The following ZNF106 variants were observed in gnomAD, a reference collection of about 807,000 sequenced individuals.
ZNF106 encodes zinc finger protein 106.
In ZNF106, 67 loss-of-function variants were observed where a neutral mutation model predicts 195.1. The ratio of observed to expected loss-of-function variants is 0.34; its 90% CI spans 0.28 to 0.42. The LOEUF (loss-of-function observed/expected upper bound fraction) is 0.42. Among genes scored for constraint, ZNF106 ranks in the 10% least tolerant of loss-of-function variants. The probability of loss-of-function intolerance (pLI) is 1.00; values close to 1 mark genes in which losing one functional copy is unlikely to be tolerated. For missense variants in ZNF106, 2,118 were observed against 2,304.5 expected, an observed-to-expected ratio of 0.92 and a Z score of 1.66; for synonymous variants, 784 against 818.6, an observed-to-expected ratio of 0.96 and a Z score of 0.72.
chr15:42,448,383 C>G lies in ZNF106; in HGVS notation c.2824G>C (p.Ala942Pro), dbSNP rs1198845796. Residue 942 changes from alanine to proline, a missense_variant, in exon 6 of 22, where the codon GCC becomes CCC. Coordinates refer to ENST00000564754, the MANE Select transcript of ZNF106 (RefSeq NM_001366845.3). ...GCCCTTTCACCTGTTCGGAGGGAGG[C>G]AGCCCGAGGTGTCACTTCTTGTTTG... The part of the protein sequence containing the change: ...HLKQEVTPRA[A>P]SLRTGERAEN... 6 of 1,614,180 alleles carry G rather than the reference C, an allele frequency of 3.7e-6. No individual in the cohort carries two copies. The South Asian group carries it at 6.6e-5, about 18-fold the overall frequency.
chr15:42,419,177 T>C (rs2054565616), intron 20 of ZNF106, among the ~76,000 whole-genome samples: 1 of 151,958 alleles, frequency 6.6e-6, no homozygotes, highest in Non-Finnish European at 1.5e-5. Flanking sequence ...AAGACCAGCC[T>C]GGCCAACATA....
intron 1 of ZNF106, among the ~76,000 whole-genome samples, chr15:42,472,822 C>A (rs2056705732): frequency 6.6e-6 from 1 of 151,974 alleles, no homozygotes; most frequent in Non-Finnish European, 1.5e-5. Flanking sequence ...CCAGCCTGGC[C>A]AACATGGTGA....
chr15:42,486,142 G>A (rs1259536989), intron 1 of ZNF106, among the ~76,000 whole-genome samples: 8 of 151,830 alleles, frequency 5.3e-5, no homozygotes, highest in Non-Finnish European at 1.0e-4. Context: ...GTATTTTTTA[G>A]TAGAGATAGA....
chr15:42,456,412 G>C (rs886991422), intron 4 of ZNF106, among the ~76,000 whole-genome samples: 1 of 152,162 alleles, frequency 6.6e-6, no homozygotes, highest in Non-Finnish European at 1.5e-5. Context: ...ACTTTGGGAG[G>C]CTGAGGTGGG....
At chr15:42,479,368 G>C (rs1017182361) in intron 1 of ZNF106, among the ~76,000 whole-genome samples, 1 of 151,522 alleles carries the variant, frequency 6.6e-6, no homozygotes, top group South Asian at 2.1e-4. Flanking sequence ...GATCGAAACT[G>C]TCTCAAAAAA....
At chr15:42,421,622 G>T (rs1317714807) in intron 19 of ZNF106, among the ~76,000 whole-genome samples, 1 of 152,168 alleles carries the variant, frequency 6.6e-6, no homozygotes, top group Non-Finnish European at 1.5e-5. Flanking sequence ...CTCCATTCCA[G>T]TGTTCCATTC....
chr15:42,440,994 AAAAAATATATATATAT>A (rs1268168706), intron 10 of ZNF106, among the ~76,000 whole-genome samples: 8 of 54,512 alleles, frequency 1.5e-4, no homozygotes, highest in African/African-American at 1.1e-3. Context: ...AAAAAAAAAA[AAAAAATATATATATAT>A]ATATATATAT....
intron 1 of ZNF106, among the ~76,000 whole-genome samples, chr15:42,479,117 T>G (rs1352041111): frequency 6.6e-6 from 1 of 152,200 alleles, no homozygotes; most frequent in African/African-American, 2.4e-5. Flanking sequence ...CTCACGTCTA[T>G]AATCCCAGTA....
At position 42,451,586 on chromosome 15, in the gene ZNF106, A is replaced by G; in HGVS notation, c.686T>C (p.Leu229Pro). The G allele has an allele frequency of 6.2e-7, 1 of 1,614,186 alleles. No individual in the cohort carries two copies. The highest frequency in any genetic ancestry group is 1.1e-5 in the South Asian group (1 of 91,088). Residue 229 changes from leucine (L) to proline (P), a missense_variant, in exon 5 of 22, where the codon CTT (leucine) becomes CCT (proline). By Grantham distance (98) the Leu-to-Pro change is moderately conservative. Transcript: ENST00000564754. ...GGAAAAGCCACCTGTTCCTTCAGAA[A>G]GCCAACTGGAATTCCTTCCTGTACC... ...HNGTGRNSSW[L>P]SEGTGGFSSW...
chr15:42,453,053 G>C (rs1294309117), intron 4 of ZNF106, among the ~76,000 whole-genome samples: 1 of 152,068 alleles, frequency 6.6e-6, no homozygotes, highest in Non-Finnish European at 1.5e-5. Context: ...GATTTTTCCA[G>C]TTGTAGGTTC....
At chr15:42,459,239 G>T (rs2056325229) in intron 3 of ZNF106, among the ~76,000 whole-genome samples, 1 of 152,088 alleles carries the variant, frequency 6.6e-6, no homozygotes, top group Admixed American at 6.6e-5. Flanking sequence ...ACTTTGGGAG[G>T]CCGAGGCGGA....
chr15:42,444,165 T>C (rs575621233), intron 9 of ZNF106, 37 bp downstream of exon 9: 4 of 994,378 alleles, frequency 4.0e-6, no homozygotes, highest in East Asian at 5.6e-5. Context: ...AGTAACACGC[T>C]ATAGAGGGCC....
At chr15:42,446,156 T>C (rs992212476) in intron 7 of ZNF106, among the ~76,000 whole-genome samples, 7 of 152,198 alleles carry the variant, frequency 4.6e-5, no homozygotes, top group Admixed American at 6.5e-5. Context: ...CTGGATGTAT[T>C]AGGAAATCAA....
intron 2 of ZNF106, 98 bp from the exon 3 acceptor site, chr15:42,466,212 C>A (rs971779144): frequency 3.7e-6 from 3 of 805,046 alleles, no homozygotes; most frequent in Non-Finnish European, 5.4e-6. Context: ...GGCTCAAACT[C>A]CTTATGTCAA....
intron 15 of ZNF106, 116 bp from the exon 16 acceptor site, chr15:42,425,141 C>T (rs1030362402): frequency 1.0e-6 from 1 of 964,014 alleles, no homozygotes; most frequent in Admixed American, 2.2e-5. Context: ...TTTTCATACC[C>T]ACTCTGCAGC....
At chr15:42,426,434 C>CT (rs1290692932) in intron 15 of ZNF106, among the ~76,000 whole-genome samples, 2 of 151,866 alleles carry the variant, frequency 1.3e-5, no homozygotes, top group African/African-American at 4.8e-5. Flanking sequence ...GGGTCTCACT[C>CT]TGTCAGCCAG....
intron 14 of ZNF106, among the ~76,000 whole-genome samples, chr15:42,433,665 T>C (rs961449518): frequency 1.3e-5 from 2 of 151,590 alleles, no homozygotes; most frequent in Admixed American, 1.3e-4. Context: ...ATATTTTTAG[T>C]AGAGACAGGG....
At chr15:42,470,156 A>T (rs916884071) in intron 2 of ZNF106, among the ~76,000 whole-genome samples, 2 of 152,116 alleles carry the variant, frequency 1.3e-5, no homozygotes, top group Admixed American at 1.3e-4. Context: ...CATCTCTATT[A>T]TACACATATA....
Position 42,428,070 on chromosome 15 carries a change from C to A in ZNF106, c.4946G>T (p.Arg1649Leu), listed in dbSNP as rs149732932. The A allele has an allele frequency of 5.4e-5, 87 of 1,614,104 alleles. No homozygotes were observed. The African/African-American group carries it at 1.1e-3, about 20-fold the overall frequency. ...ATTTGCCAGTCCCGCATAGAGGATTCGCCATCTACTGTGGAGGCAGAGGAC... is the reference window on the plus strand; with the variant it reads ...ATTTGCCAGTCCCGCATAGAGGATTAGCCATCTACTGTGGAGGCAGAGGAC... ...DRVLCLHSRW[R>L]ILYAGLANGT... is the part of the protein sequence containing the mutation. Residue 1649 changes from arginine to leucine, a missense_variant, in exon 15 of 22, where the codon CGA (arginine) becomes CTA (leucine). Coordinates refer to ENST00000564754, the MANE Select transcript of ZNF106 (RefSeq NM_001366845.3).
Sources: gnomAD v4.1 joint callset for allele counts (sites outside exome capture counted in the v4.1 genomes callset) on GRCh38, gnomAD v4.1.1 for gene constraint, MANE v1.5 for transcripts, NCBI Gene and HGNC (gene_info 2026-07-23, HGNC 2026-07-21) for gene names.